Variants in GIMAP1 observed in about 807,000 individuals in gnomAD.
GIMAP1 encodes the protein GTPase IMAP family member 1.
For synonymous variants in GIMAP1, 230 were observed against 187.7 expected (o/e 1.23, Z -1.84); for missense variants, 423 against 411.9 (o/e 1.03, Z -0.23).
Position 150,720,130 on chromosome 7 carries a change from C to T in GIMAP1, c.126C>T (p.Ala42=), listed in dbSNP as rs1797274484. 1 of 1,614,070 alleles carries T rather than the reference C, an allele frequency of 6.2e-7. No individual in the cohort carries two copies. Among genetic ancestry groups the T allele is most frequent in the Non-Finnish European group, 8.5e-7 (1 of 1,180,044 alleles). The change falls in exon 3 of 3, where the codon GCC becomes GCT. Residue 42 remains alanine (A), a synonymous_variant. Transcript: ENST00000307194. This position sits in a 1 kb window ranked among gnomAD's most constrained non-coding sequence, Gnocchi z 4.5. ...GGAGAACAGGGGCCGGGAAGAGCGC[C>T]ACTGGGAACAGCATCCTGGGCCAGA... ...LVGRTGAGKS[A]TGNSILGQRR...
rs759006 is a variant in GIMAP1, at chr7:150,718,121, T to G, written c.-6-921T>G. Among the ~76,000 whole-genome samples the G allele has an allele frequency of 6.8e-3, 1,032 of 152,242 alleles. 29 individuals are homozygous for G. The highest frequency in any genetic ancestry group is 0.049 in the Admixed American group (743 of 15,286). On this transcript the variant is annotated intron_variant, in intron 1 of 2. Coordinates refer to ENST00000307194, the MANE Select transcript of GIMAP1 (RefSeq NM_130759.4). Reference sequence around the variant, plus strand: ...TGGAAAGGCCCTGAAATCTGCTGATTGTGAAGTAGCTGACCGAGTGGGGTA... The same window carrying G: ...TGGAAAGGCCCTGAAATCTGCTGATGGTGAAGTAGCTGACCGAGTGGGGTA...
chr7:150,719,659 C>G (rs1797267287), intron 2 of GIMAP1: 1 of 178,382 alleles, frequency 5.6e-6, no homozygotes, highest in South Asian at 1.7e-4. Context: ...GTGATTCAAA[C>G]CAGGGTATCT....
In GIMAP1 at chr7:150,720,766, G is replaced by T. The variant is rs7811263; in HGVS notation, c.762G>T (p.Arg254Ser). ...GCGTGGCAGCCAGGGTGCAGAGGAG[G>T]CCATGGGGCGCCTGGCTGTCGGCCC... Reference protein sequence around the residue: ...AERVAARVQRRPWGAWLSARL... With the variant: ...AERVAARVQRSPWGAWLSARL... The change falls in exon 3 of 3, where the codon AGG (arginine) becomes AGT (serine). Residue 254 changes from arginine to serine, a missense_variant. Transcript: ENST00000307194. This position sits in a 1 kb window ranked among gnomAD's most constrained non-coding sequence, Gnocchi z 4.5. 3,139 of 1,570,670 alleles carry T rather than the reference G, an allele frequency of 2.0e-3. 30 individuals are homozygous for T. The African/African-American group carries it at 0.034, about 17-fold the overall frequency.
chr7:150,720,955 T>TA lies in GIMAP1; in HGVS notation c.*30_*31insA. On this transcript the variant is annotated 3_prime_UTR_variant, in exon 3 of 3. Coordinates refer to ENST00000307194, the MANE Select transcript of GIMAP1 (RefSeq NM_130759.4). This position sits in a 1 kb window ranked among gnomAD's most constrained non-coding sequence, Gnocchi z 4.5. ...GCAGGTCCTAAAACTGAAGGCAACT[T>TA]GGTTAAGGGAGGCTGAATTCTTGGA... 6.1e-6 allele frequency: 9 copies of TA among 1,479,414 alleles called. No homozygotes were observed. Among genetic ancestry groups the TA allele is most frequent in the Non-Finnish European group, 8.0e-6 (9 of 1,122,102 alleles). The allele number at this position is 1,479,414 out of a possible 1,614,324, so 91.6% of individuals were successfully genotyped here.
rs141813224 is a variant in GIMAP1, at chr7:150,719,248, G to A, written c.43+158G>A. On this transcript the variant is annotated intron_variant, in intron 2 of 2. Transcript: ENST00000307194. ...CAGCCCTGAGATCTGCATTTTAGCT[G>A]GATCTCTGCTGTGAGAAGTTAAGTT... 155 of 839,988 alleles carry A rather than the reference G, an allele frequency of 1.8e-4. No homozygotes were observed. The African/African-American group carries it at 2.0e-3, about 11-fold the overall frequency. The allele number at this position is 839,988 out of a possible 1,614,324, so 52.0% of individuals were successfully genotyped here.
In GIMAP1 at chr7:150,720,851, G is replaced by C. The variant is rs868391929; in HGVS notation, c.847G>C (p.Gly283Arg). The C allele has an allele frequency of 1.2e-6, 2 of 1,606,114 alleles. No homozygotes were observed. The highest frequency in any genetic ancestry group is 1.7e-6 in the Non-Finnish European group (2 of 1,178,814). The change falls in exon 3 of 3, where the codon GGG (glycine) becomes CGG (arginine). Residue 283 changes from glycine to arginine, a missense_variant. Gly to Arg is a moderately radical substitution (Grantham distance 125, BLOSUM62 -2). Transcript: ENST00000307194. This position sits in a 1 kb window ranked among gnomAD's most constrained non-coding sequence, Gnocchi z 4.5. ...GAGGCTGGGCCTGGCCCTGCTGCTG[G>C]GGGGCGCGCTCCTGTTCTGGGTGCT... ...SWRLGLALLL[G>R]GALLFWVLLH...
rs1433110082 is a variant in GIMAP1 at position 150,723,699 on chromosome 7, C to T, written c.*2774C>T. 1.3e-5 allele frequency: 2 copies of T among 152,134 alleles called. No individual in the cohort carries two copies. Among genetic ancestry groups the T allele is most frequent in the African/African-American group, 4.8e-5 (2 of 41,410 alleles). 9.4% of individuals were successfully genotyped at this position (152,134 alleles called of 1,614,324 possible). On this transcript the variant is annotated 3_prime_UTR_variant, in exon 3 of 3. Transcript: ENST00000307194. ...TTTATACTTAAATTACAGCATAAAA[C>T]AGCACTGCCTCCTGTTGGAAAAACT...
chr7:150,717,774 C>T (rs1563364267), intron 1 of GIMAP1, among the ~76,000 whole-genome samples: 1 of 152,126 alleles, frequency 6.6e-6, no homozygotes, highest in East Asian at 1.9e-4. Context: ...CTGTTCATTC[C>T]TACATGCAAA....
At position 150,724,236 on chromosome 7, in the gene GIMAP1, G is replaced by A. The variant is rs1416413779; in HGVS notation, c.*3311G>A. 6.6e-6 allele frequency: 1 copy of A among 151,154 alleles called. No individual in the cohort carries two copies. Among genetic ancestry groups the A allele is most frequent in the African/African-American group, 2.4e-5 (1 of 41,034 alleles). 9.4% of individuals were successfully genotyped at this position (151,154 alleles called of 1,614,324 possible). A position where few individuals can be genotyped will look rare whatever the true frequency, so the allele number is the denominator to read the frequency against. On this transcript the variant is annotated 3_prime_UTR_variant, in exon 3 of 3. Transcript: ENST00000307194. Reference sequence around the variant, plus strand: ...GGCCTCTTCTTAGGCAACTAGATTCGGTTCTTGCTTATTCTGCCAATAAAA... The same window carrying A: ...GGCCTCTTCTTAGGCAACTAGATTCAGTTCTTGCTTATTCTGCCAATAAAA...
In GIMAP1 at chr7:150,720,690, A is replaced by T. The variant is rs1211039775; in HGVS notation, c.686A>T (p.Gln229Leu). The stretch of plus-strand genomic sequence containing the variant: ...TCCAACGAGGTGTATGAGCTGGCGC[A>T]GGTGCTGCGCTGGGCAGGCCCTGAG... ...HYSNEVYELA[Q>L]VLRWAGPEER... Residue 229 changes from glutamine (Q) to leucine (L), a missense_variant, in exon 3 of 3, where the codon CAG (glutamine) becomes CTG (leucine). By Grantham distance (113) the Gln-to-Leu change is moderately radical. Coordinates refer to ENST00000307194, the MANE Select transcript of GIMAP1 (RefSeq NM_130759.4). This position sits in a 1 kb window ranked among gnomAD's most constrained non-coding sequence, Gnocchi z 4.5. The T allele has an allele frequency of 6.3e-7, 1 of 1,591,514 alleles. No homozygotes were observed. Among genetic ancestry groups the T allele is most frequent in the Non-Finnish European group, 8.6e-7 (1 of 1,168,906 alleles).
Position 150,722,167 on chromosome 7 carries a change from A to T in GIMAP1, c.*1242A>T, listed in dbSNP as rs1164124005. The T allele has an allele frequency of 6.6e-6, 1 of 152,202 alleles. No individual in the cohort carries two copies. The highest frequency in any genetic ancestry group is 1.5e-5 in the Non-Finnish European group (1 of 68,056). The allele number at this position is 152,202 out of a possible 1,614,324, so 9.4% of individuals were successfully genotyped here. A position where few individuals can be genotyped will look rare whatever the true frequency, so the allele number is the denominator to read the frequency against. ...AGCATAATGAGAACCCTTTAAGGGA[A>T]CTCATTGTCTTTAAATCAGCCAGCC... On this transcript the variant is annotated 3_prime_UTR_variant, in exon 3 of 3. Transcript: ENST00000307194.
At position 150,722,393 on chromosome 7, in the gene GIMAP1, G is replaced by A. The variant is rs1797319797; in HGVS notation, c.*1468G>A. The A allele has an allele frequency of 1.3e-5, 2 of 152,908 alleles. No individual in the cohort carries two copies. The highest frequency in any genetic ancestry group is 4.8e-5 in the African/African-American group (2 of 41,478). 9.5% of individuals were successfully genotyped at this position (152,908 alleles called of 1,614,324 possible). On this transcript the variant is annotated 3_prime_UTR_variant, in exon 3 of 3. Transcript: ENST00000307194. ...CAGGTGGGTTGCGGGCTTCGGGCAG[G>A]CTATGGTGAGGGGTCCTGAGGGCCT...
chr7:150,720,914 G>A lies in GIMAP1; in HGVS notation c.910G>A (p.Gly304Arg), dbSNP rs746750822. The A allele has an allele frequency of 1.9e-6, 3 of 1,561,030 alleles. No individual in the cohort carries two copies. The highest frequency in any genetic ancestry group is 1.4e-5 in the African/African-American group (1 of 73,190). ...GTGGTCGGAGGCCGTTGCGGAGGTC[G>A]GGCCTGACTGACAGCGCAGGTCCTA... ...RRWSEAVAEV[G>R]PD Residue 304 changes from glycine to arginine, a missense_variant, in exon 3 of 3, where the codon GGG becomes AGG. Gly to Arg is a moderately radical substitution (Grantham distance 125). Transcript: ENST00000307194. This position sits in a 1 kb window ranked among gnomAD's most constrained non-coding sequence, Gnocchi z 4.5.
Position 150,717,766 on chromosome 7 carries a change from G to A in GIMAP1, c.-7+1076G>A, listed in dbSNP as rs185110487. Among the ~76,000 whole-genome samples the A allele has an allele frequency of 1.9e-3, 289 of 152,276 alleles. 1 individual carries two copies. Among genetic ancestry groups the A allele is most frequent in the Middle Eastern group, 3.4e-3 (1 of 294 alleles). On this transcript the variant is annotated intron_variant, in intron 1 of 2. Transcript: ENST00000307194. ...GCTTTGATGTCATTTATGATCATCT[G>A]TTCATTCCTACATGCAAAATAATTA...
chr7:150,720,979 G>A lies in GIMAP1; in HGVS notation c.*54G>A. ...TTGGTTAAGGGAGGCTGAATTCTTGGAGCTGAAGGGAAAACTTCATTCCAA... is the reference window on the plus strand; with the variant it reads ...TTGGTTAAGGGAGGCTGAATTCTTGAAGCTGAAGGGAAAACTTCATTCCAA... On this transcript the variant is annotated 3_prime_UTR_variant, in exon 3 of 3. Transcript: ENST00000307194. This position sits in a 1 kb window ranked among gnomAD's most constrained non-coding sequence, Gnocchi z 4.5. The A allele has an allele frequency of 2.8e-6, 4 of 1,414,762 alleles. No homozygotes were observed. The highest frequency in any genetic ancestry group is 3.7e-6 in the Non-Finnish European group (4 of 1,076,226). 87.6% of individuals were successfully genotyped at this position (1,414,762 alleles called of 1,614,324 possible).
Position 150,720,308 on chromosome 7 carries a change from G to A in GIMAP1, c.304G>A (p.Gly102Ser). ...SKTDPGCEER[G>S]HCYLLSAPGP... ...GACAGATCCTGGCTGTGAGGAGAGA[G>A]GTCACTGCTACCTGCTCTCGGCCCC... Residue 102 changes from glycine to serine, a missense_variant, in exon 3 of 3, where the codon GGT becomes AGT. Physicochemically the swap from Gly to Ser is moderately conservative, Grantham distance 56. Coordinates refer to ENST00000307194, the MANE Select transcript of GIMAP1 (RefSeq NM_130759.4). This position sits in a 1 kb window ranked among gnomAD's most constrained non-coding sequence, Gnocchi z 4.5. 8 of 1,614,234 alleles carry A rather than the reference G, an allele frequency of 5.0e-6. No individual in the cohort carries two copies. Among genetic ancestry groups the A allele is most frequent in the Non-Finnish European group, 6.8e-6 (8 of 1,180,048 alleles).
chr7:150,723,541 T>G lies in GIMAP1; in HGVS notation c.*2616T>G, dbSNP rs1477252976. The G allele has an allele frequency of 6.6e-6, 1 of 152,234 alleles. No individual in the cohort carries two copies. Among genetic ancestry groups the G allele is most frequent in the Non-Finnish European group, 1.5e-5 (1 of 68,040 alleles). 9.4% of individuals were successfully genotyped at this position (152,234 alleles called of 1,614,324 possible). A position where few individuals can be genotyped will look rare whatever the true frequency, so the allele number is the denominator to read the frequency against. On this transcript the variant is annotated 3_prime_UTR_variant, in exon 3 of 3. Transcript: ENST00000307194. ...TCCTTTTCTCCTGCTACAGAACAGT[T>G]GGCATTCACCATTCCCTTCGGTAAA...
Position 150,721,007 on chromosome 7 carries a change from G to C in GIMAP1, c.*82G>C. 2 of 1,287,704 alleles carry C rather than the reference G, an allele frequency of 1.6e-6. No homozygotes were observed. The highest frequency in any genetic ancestry group is 2.1e-6 in the Non-Finnish European group (2 of 970,858). The allele number at this position is 1,287,704 out of a possible 1,614,324, so 79.8% of individuals were successfully genotyped here. On this transcript the variant is annotated 3_prime_UTR_variant, in exon 3 of 3. Coordinates refer to ENST00000307194, the MANE Select transcript of GIMAP1 (RefSeq NM_130759.4). ...CTGAAGGGAAAACTTCATTCCAACG[G>C]AAGGAATCCTGTAGTTTCAGGCATA... is the stretch of plus-strand genomic sequence containing the variant.
chr7:150,720,229 G>C lies in GIMAP1; in HGVS notation c.225G>C (p.Lys75Asn). The change falls in exon 3 of 3, where the codon AAG (lysine) becomes AAC (asparagine). Residue 75 changes from lysine (K) to asparagine (N), a missense_variant. Transcript: ENST00000307194. The surrounding 1 kb of genome is among the most constrained non-coding windows in gnomAD (Gnocchi z 4.5). ...ACTTGSRRWDKCHVEVVDTPD... is the reference protein window; with the variant it reads ...ACTTGSRRWDNCHVEVVDTPD... ...CCACGGGCAGCCGCAGGTGGGACAAGTGCCACGTGGAAGTCGTGGACACTC... is the reference window on the plus strand; with the variant it reads ...CCACGGGCAGCCGCAGGTGGGACAACTGCCACGTGGAAGTCGTGGACACTC... The C allele has an allele frequency of 6.2e-7, 1 of 1,614,206 alleles. No homozygotes were observed. Among genetic ancestry groups the C allele is most frequent in the Non-Finnish European group, 8.5e-7 (1 of 1,180,046 alleles).
Sources: allele counts gnomAD v4.1 joint callset (sites outside exome capture counted in the v4.1 genomes callset), GRCh38; gene constraint gnomAD v4.1.1; non-coding constraint Gnocchi (gnomAD v3.1); transcripts MANE v1.5; gene names NCBI Gene and HGNC (gene_info 2026-07-23, HGNC 2026-07-21).